The following MMP16 variants were observed in gnomAD, a reference collection of about 807,000 sequenced individuals.
MMP16 encodes matrix metalloproteinase-16.
MMP16 carries 12 observed loss-of-function variants against 67.8 expected under a neutral mutation model. The observed-to-expected ratio is 0.18, with a 90% confidence interval of 0.11 to 0.29. The LOEUF (loss-of-function observed/expected upper bound fraction) is 0.29, where lower values mean the gene tolerates loss of function less well. MMP16 is among the 10% of genes least tolerant of loss of function. MMP16 has a pLI of 1.00. For synonymous variants in MMP16, 249 were observed against 255.9 expected (o/e 0.97, Z 0.26); for missense variants, 475 against 765.7 (o/e 0.62, Z 4.48).
chr8:88,320,079 T>C (rs1223972367), intron 1 of MMP16, among the ~76,000 whole-genome samples: 3 of 152,192 alleles, frequency 2.0e-5, no homozygotes, highest in Admixed American at 1.3e-4. Flanking sequence ...AGAGGTCAAA[T>C]AATAATCTGC....
At chr8:88,085,432 A>G (rs1808818098) in intron 6 of MMP16, among the ~76,000 whole-genome samples, 1 of 152,026 alleles carries the variant, frequency 6.6e-6, no homozygotes, top group African/African-American at 2.4e-5. Context: ...AATGTCTGCA[A>G]TGATTTTGCA....
chr8:88,184,340 G>T (rs1477818151), intron 3 of MMP16, among the ~76,000 whole-genome samples: 1 of 151,616 alleles, frequency 6.6e-6, no homozygotes, highest in Admixed American at 6.6e-5. Context: ...TCCAAGGTTT[G>T]CCCTAATCGG....
intron 1 of MMP16, among the ~76,000 whole-genome samples, chr8:88,263,172 A>G (rs907938123): frequency 6.6e-6 from 1 of 152,166 alleles, no homozygotes; most frequent in Non-Finnish European, 1.5e-5. Context: ...TGCTCTGTGC[A>G]TTATAATAAT....
At chr8:88,101,187 A>T (rs758149698) in intron 6 of MMP16, among the ~76,000 whole-genome samples, 18 of 151,910 alleles carry the variant, frequency 1.2e-4, no homozygotes, top group African/African-American at 4.3e-4. Flanking sequence ...CTCAGGCTCA[A>T]CAGTGGAGTC....
intron 1 of MMP16, among the ~76,000 whole-genome samples, chr8:88,280,282 A>G (rs1189590692): frequency 6.6e-6 from 1 of 152,226 alleles, no homozygotes; most frequent in Non-Finnish European, 1.5e-5. Flanking sequence ...TTTTGTCCAC[A>G]TAGGGAACAG....
intron 1 of MMP16, among the ~76,000 whole-genome samples, chr8:88,268,389 T>A (rs1810511686): frequency 1.3e-5 from 2 of 151,952 alleles, no homozygotes; most frequent in African/African-American, 4.8e-5. Flanking sequence ...AACAAAAAAA[T>A]TCATTCATTC....
intron 1 of MMP16, among the ~76,000 whole-genome samples, chr8:88,221,851 C>A (rs900361266): frequency 6.6e-6 from 1 of 151,988 alleles, no homozygotes. Flanking sequence ...TTCACTGAGA[C>A]CTATATGAAG....
chr8:88,291,512 C>A (rs147956697), intron 1 of MMP16, among the ~76,000 whole-genome samples: 1 of 152,094 alleles, frequency 6.6e-6, no homozygotes, highest in Non-Finnish European at 1.5e-5. Context: ...AAACTTCAGT[C>A]TAATGATCAT....
chr8:88,256,496 A>T (rs1176742649), intron 1 of MMP16, among the ~76,000 whole-genome samples: 1 of 152,134 alleles, frequency 6.6e-6, no homozygotes, highest in East Asian at 1.9e-4. Flanking sequence ...TCTCTTTCCC[A>T]TCTCAGAAGA....
At chr8:88,072,469 A>G (rs1808575538) in intron 7 of MMP16, among the ~76,000 whole-genome samples, 1 of 152,062 alleles carries the variant, frequency 6.6e-6, no homozygotes, top group Non-Finnish European at 1.5e-5. Flanking sequence ...AAACTGGAGG[A>G]AAGAGTTGCC....
intron 1 of MMP16, among the ~76,000 whole-genome samples, chr8:88,237,455 T>C (rs1238493255): frequency 6.6e-6 from 1 of 152,052 alleles, no homozygotes; most frequent in East Asian, 1.9e-4. Flanking sequence ...TGAGACCATC[T>C]TGGCTAACAC....
At chr8:88,205,408 TCAGTTTTTATG>T (rs1278413326) in intron 1 of MMP16, among the ~76,000 whole-genome samples, 3 of 152,076 alleles carry the variant, frequency 2.0e-5, no homozygotes, top group Non-Finnish European at 4.4e-5. Context: ...CCAAGAATGT[TCAGTTTTTATG>T]CAAACAAAAC....
chr8:88,161,725 G>T (rs556170464), intron 4 of MMP16, among the ~76,000 whole-genome samples: 6 of 152,022 alleles, frequency 3.9e-5, no homozygotes, highest in Admixed American at 1.3e-4. Flanking sequence ...TGCTTTAAAC[G>T]TGTCCCAGAG....
intron 8 of MMP16, among the ~76,000 whole-genome samples, chr8:88,052,630 C>T (rs1215915144): frequency 2.6e-5 from 4 of 152,224 alleles, no homozygotes; most frequent in Non-Finnish European, 4.4e-5. Flanking sequence ...TTGCCATGGG[C>T]TACAGGGCCC....
chr8:88,216,274 AAT>A (rs1156780528), intron 1 of MMP16, among the ~76,000 whole-genome samples: 1 of 152,220 alleles, frequency 6.6e-6, no homozygotes, highest in African/African-American at 2.4e-5. Context: ...AAAAAATTAA[AAT>A]AGTCATAAAC....
At chr8:88,081,786 G>T (rs985099849) in intron 6 of MMP16, among the ~76,000 whole-genome samples, 14 of 151,952 alleles carry the variant, frequency 9.2e-5, no homozygotes, top group African/African-American at 3.1e-4. Context: ...ATTTTAAAAT[G>T]TATTACTAGA....
intron 2 of MMP16, among the ~76,000 whole-genome samples, chr8:88,191,604 T>C (rs2129767658): frequency 6.6e-6 from 1 of 152,228 alleles, no homozygotes; most frequent in Non-Finnish European, 1.5e-5. Context: ...AACTTCACTG[T>C]CCCCTGTTTT....
chr8:88,292,748 C>T (rs980166693), intron 1 of MMP16, among the ~76,000 whole-genome samples: 1 of 152,070 alleles, frequency 6.6e-6, no homozygotes, highest in African/African-American at 2.4e-5. Flanking sequence ...TCCATTCACA[C>T]CACCAAATAT....
chr8:88,232,873 G>A (rs1766534098), intron 1 of MMP16, among the ~76,000 whole-genome samples: 1 of 152,130 alleles, frequency 6.6e-6, no homozygotes, highest in Admixed American at 6.5e-5. Context: ...TGCTTTTGGT[G>A]AGTTTAAAAC....
Sources: gnomAD v4.1 joint callset for allele counts (sites outside exome capture counted in the v4.1 genomes callset) on GRCh38, gnomAD v4.1.1 for gene constraint, MANE v1.5 for transcripts, NCBI Gene and HGNC (gene_info 2026-07-23, HGNC 2026-07-21) for gene names.